The following TBXA2R variants were observed in gnomAD, a reference collection of about 807,000 sequenced individuals.
TBXA2R encodes the protein prostanoid TP receptor.
A neutral mutation model predicts 15.6 loss-of-function variants in TBXA2R; 15 were observed. The observed-to-expected ratio is 0.96, with a 90% confidence interval of 0.64 to 1.48. The LOEUF is 1.48. Among genes scored for constraint, TBXA2R ranks in the 40% most tolerant of loss-of-function variants. TBXA2R has a pLI of 0.00. For synonymous variants in TBXA2R, 280 were observed against 241.2 expected (o/e 1.16, Z -1.49); for missense variants, 506 against 491.4 (o/e 1.03, Z -0.28).
intron 2 of TBXA2R, among the ~76,000 whole-genome samples, chr19:3,598,686 T>C (rs2032651397): frequency 6.6e-6 from 1 of 151,300 alleles, no homozygotes; most frequent in Admixed American, 6.6e-5. Flanking sequence ...TGTTTTTGTT[T>C]GAGGCGGAGT....
Position 3,595,875 on chromosome 19 carries a change from A to G in TBXA2R, c.845T>C (p.Leu282Pro). ...NPPAMSPAGQ[L>P]SRTTEKELLI... ...CAGCTCCTTCTCCGTGGTGCGGGAC[A>G]GCTGCCCGGCGGGGCTCATGGCAGG... Residue 282 changes from leucine (L) to proline (P), a missense_variant, in exon 3 of 3, where the codon CTG becomes CCG. By Grantham distance (98) the Leu-to-Pro change is moderately conservative. Transcript: ENST00000375190. 3 of 1,609,528 alleles carry G rather than the reference A, an allele frequency of 1.9e-6. No individual in the cohort carries two copies. Among genetic ancestry groups the G allele is most frequent in the Non-Finnish European group, 2.5e-6 (3 of 1,178,476 alleles).
intron 1 of TBXA2R, among the ~76,000 whole-genome samples, chr19:3,602,893 A>G (rs35296805): frequency 0.63 from 95,143 of 151,470 alleles, 30,826 homozygotes; most frequent in African/African-American, 0.7. Flanking sequence ...AAAATTAGCC[A>G]GGCGTGGTGG....
chr19:3,595,461 G>A lies in TBXA2R; in HGVS notation c.*227C>T, dbSNP rs201759010. ...TGGGAGGGACGCAGAGAAGGGGTGG[G>A]AGCTCTGGATGGGAAAAAGGGGCCG... On this transcript the variant is annotated 3_prime_UTR_variant, in exon 3 of 3. Coordinates refer to ENST00000375190, the MANE Select transcript of TBXA2R (RefSeq NM_001060.6). The A allele has an allele frequency of 1.4e-6, 2 of 1,419,592 alleles. No individual in the cohort carries two copies. Among genetic ancestry groups the A allele is most frequent in the East Asian group, 5.0e-5 (2 of 39,614 alleles). 87.9% of individuals were successfully genotyped at this position (1,419,592 alleles called of 1,614,324 possible). A position where few individuals can be genotyped will look rare whatever the true frequency, so the allele number is the denominator to read the frequency against.
intron 1 of TBXA2R, among the ~76,000 whole-genome samples, chr19:3,602,474 C>G (rs779656486): frequency 1.3e-5 from 2 of 152,016 alleles, no homozygotes; most frequent in African/African-American, 4.8e-5. Flanking sequence ...TGGTGGCTCA[C>G]GCCTGTAATC....
intron 1 of TBXA2R, among the ~76,000 whole-genome samples, chr19:3,604,456 G>A (rs1404192464): frequency 6.6e-6 from 1 of 152,008 alleles, no homozygotes; most frequent in Non-Finnish European, 1.5e-5. Flanking sequence ...CCTCTCCTCC[G>A]CCCCATGTTC....
At chr19:3,596,305 C>G (rs2032603717) in intron 2 of TBXA2R, among the ~76,000 whole-genome samples, 1 of 152,014 alleles carries the variant, frequency 6.6e-6, no homozygotes, top group Non-Finnish European at 1.5e-5. Context: ...GCTGGAATTA[C>G]AGGAGTGAGC....
intron 1 of TBXA2R, 48 bp from the exon 2 acceptor site, chr19:3,600,765 G>T: frequency 9.9e-7 from 1 of 1,013,494 alleles, no homozygotes; most frequent in Non-Finnish European, 1.5e-6. Context: ...GCATTTCAGT[G>T]TAAGTAGCTC....
chr19:3,597,566 G>C (rs7254008), intron 2 of TBXA2R, among the ~76,000 whole-genome samples: 14,977 of 151,986 alleles, frequency 0.099, 829 homozygotes, highest in Middle Eastern at 0.15. Flanking sequence ...AGGAGGCAGA[G>C]GTTGCAGTGA....
At chr19:3,602,913 G>A (rs1261133835) in intron 1 of TBXA2R, among the ~76,000 whole-genome samples, 7 of 152,026 alleles carry the variant, frequency 4.6e-5, no homozygotes, top group African/African-American at 9.7e-5. Flanking sequence ...GCGGGCGCCC[G>A]TAGTCCCAGC....
chr19:3,598,341 TTTTCTTTTC>T (rs1202839212), intron 2 of TBXA2R, among the ~76,000 whole-genome samples: 3 of 131,842 alleles, frequency 2.3e-5, no homozygotes, highest in Non-Finnish European at 4.6e-5. Flanking sequence ...TCTTTCTTTC[TTTTCTTTTC>T]TTTTTTTTTT....
chr19:3,606,064 C>T (rs151237778), intron 1 of TBXA2R, among the ~76,000 whole-genome samples: 3 of 152,200 alleles, frequency 2.0e-5, no homozygotes, highest in African/African-American at 4.8e-5. Context: ...CACAGACTCT[C>T]GGCAGAAACA....
rs2032570082 is a variant in TBXA2R at position 3,595,077 on chromosome 19, C to CT, written c.*610dup. On this transcript the variant is annotated 3_prime_UTR_variant, in exon 3 of 3. Coordinates refer to ENST00000375190, the MANE Select transcript of TBXA2R (RefSeq NM_001060.6). The stretch of plus-strand genomic sequence containing the variant: ...GCTGGGCCACAGAGTGAGACTCCGT[C>CT]TAAAAAAAAAAAAAAAAATGGCCAG... The CT allele has an allele frequency of 1.3e-5, 7 of 520,652 alleles. No individual in the cohort carries two copies. Among genetic ancestry groups the CT allele is most frequent in the South Asian group, 1.3e-4 (6 of 45,934 alleles). 32.3% of individuals were successfully genotyped at this position (520,652 alleles called of 1,614,324 possible).
At position 3,599,979 on chromosome 19, in the gene TBXA2R, A is replaced by C; in HGVS notation, c.656T>G (p.Val219Gly). 8.1e-6 allele frequency: 13 copies of C among 1,600,418 alleles called. No individual in the cohort carries two copies. Among genetic ancestry groups the C allele is most frequent in the Non-Finnish European group, 1.1e-5 (13 of 1,174,460 alleles). ...GLSFLLNTVS[V>G]ATLCHVYHGQ... is the part of the protein sequence containing the mutation. ...GTGGTAGACGTGGCACAGGGTGGCC[A>C]CGCTGACCGTGTTCAGCAGGAAGGA... is the stretch of plus-strand genomic sequence containing the variant. The change falls in exon 2 of 3, where the codon GTG becomes GGG. Residue 219 changes from valine (V) to glycine (G), a missense_variant. By Grantham distance (109) the Val-to-Gly change is moderately radical. Coordinates refer to ENST00000375190, the MANE Select transcript of TBXA2R (RefSeq NM_001060.6).
rs34885751 is a variant in TBXA2R, at chr19:3,595,078, T to TAAA, written c.*607_*609dup. On this transcript the variant is annotated 3_prime_UTR_variant, in exon 3 of 3. Coordinates refer to ENST00000375190, the MANE Select transcript of TBXA2R (RefSeq NM_001060.6). ...CTGGGCCACAGAGTGAGACTCCGTC[T>TAAA]AAAAAAAAAAAAAAAAATGGCCAGG... The TAAA allele has an allele frequency of 1.3e-3, 619 of 476,814 alleles. No homozygotes were observed. Among genetic ancestry groups the TAAA allele is most frequent in the Non-Finnish European group, 1.5e-3 (434 of 280,386 alleles). 29.5% of individuals were successfully genotyped at this position (476,814 alleles called of 1,614,324 possible).
At chr19:3,596,569 A>G (rs2145286140) in intron 2 of TBXA2R, among the ~76,000 whole-genome samples, 1 of 151,980 alleles carries the variant, frequency 6.6e-6, no homozygotes, top group South Asian at 2.1e-4. Flanking sequence ...TAGAAAAGTT[A>G]CCCAGGCATG....
In TBXA2R at chr19:3,600,230, G is replaced by A. The variant is rs2032697478; in HGVS notation, c.405C>T (p.Thr135=). 1.9e-6 allele frequency: 3 copies of A among 1,610,818 alleles called. No homozygotes were observed. The South Asian group carries it at 3.3e-5, about 18-fold the overall frequency. Residue 135 remains threonine, a synonymous_variant, in exon 2 of 3, where the codon ACC becomes ACT. Transcript: ENST00000375190. ...CGACCGCCGGGCGCGAGAAGGGCCG[G>A]GTGATACCCAGGTAGCGCTCTGAGG... ...AMASERYLGI[T]RPFSRPAVAS... is the part of the protein sequence containing the mutation.
intron 1 of TBXA2R, among the ~76,000 whole-genome samples, chr19:3,606,194 T>C (rs1043592986): frequency 6.6e-6 from 1 of 152,016 alleles, no homozygotes; most frequent in Non-Finnish European, 1.5e-5. Flanking sequence ...CCACACTCGA[T>C]CCCTGCCACA....
At chr19:3,605,064 C>A (rs976581231) in intron 1 of TBXA2R, among the ~76,000 whole-genome samples, 7 of 152,228 alleles carry the variant, frequency 4.6e-5, no homozygotes, top group Non-Finnish European at 1.0e-4. Context: ...CAACAGGGTC[C>A]CCAGCCCACA....
In TBXA2R at chr19:3,600,164, C is replaced by T. The variant is rs1288233103; in HGVS notation, c.471G>A (p.Trp157Ter). 10 of 1,600,612 alleles carry T rather than the reference C, an allele frequency of 6.2e-6. No individual in the cohort carries two copies. The highest frequency in any genetic ancestry group is 8.5e-6 in the Non-Finnish European group (10 of 1,174,506). Reference protein sequence around the residue: ...RRAWATVGLVWAAALALGLLP... With the variant: ...RRAWATVGLV ...GCAGGCCCAGCGCCAGCGCGGCCGC[C>T]CACACCAGCCCCACGGTGGCCCAGG... The change falls in exon 2 of 3, where the codon TGG becomes TGA. Residue 157 changes from tryptophan (W) to a stop codon, truncating the protein, a stop_gained. Transcript: ENST00000375190. LOFTEE classifies it high-confidence loss of function.
Sources: allele counts gnomAD v4.1 joint callset (sites outside exome capture counted in the v4.1 genomes callset), GRCh38; gene constraint gnomAD v4.1.1; transcripts MANE v1.5; gene names NCBI Gene and HGNC (gene_info 2026-07-23, HGNC 2026-07-21).